MACROD2: variants seen among roughly 807,000 people sequenced by gnomAD.
The protein encoded by MACROD2 is ADP-ribose glycohydrolase MACROD2.
A neutral mutation model predicts 70.4 loss-of-function variants in MACROD2; 36 were observed. The ratio of observed to expected loss-of-function variants is 0.51; its 90% confidence interval spans 0.39 to 0.68. The LOEUF is 0.68. Ranked by LOEUF, MACROD2 falls within the 30% of genes least tolerant of loss-of-function variation. The pLI is 0.00. For missense variants in MACROD2, 496 were observed against 538.4 expected, an observed-to-expected ratio of 0.92 and a Z score of 0.78; for synonymous variants, 172 against 178.8, an observed-to-expected ratio of 0.96 and a Z score of 0.30.
At chr20:14,095,559 C>G (rs2054212412) in intron 3 of MACROD2, among the ~76,000 whole-genome samples, 2 of 152,112 alleles carry the variant, frequency 1.3e-5, no homozygotes, top group African/African-American at 4.8e-5. Context: ...GCTTGTGTTC[C>G]TAGCATCTTT....
At chr20:15,363,442 G>A (rs796575367) in intron 6 of MACROD2, among the ~76,000 whole-genome samples, 4 of 152,182 alleles carry the variant, frequency 2.6e-5, no homozygotes, top group African/African-American at 9.7e-5. Flanking sequence ...AGGCACCATG[G>A]CAATATATTG....
At chr20:14,067,720 A>G (rs2053783697) in intron 2 of MACROD2, among the ~76,000 whole-genome samples, 1 of 152,172 alleles carries the variant, frequency 6.6e-6, no homozygotes. Context: ...AGCTTCACAC[A>G]TAGTCTCATT....
intron 5 of MACROD2, among the ~76,000 whole-genome samples, chr20:15,073,069 G>C (rs950681788): frequency 6.6e-6 from 1 of 152,082 alleles, no homozygotes; most frequent in Non-Finnish European, 1.5e-5. Context: ...TCTACCAGAA[G>C]CTAGCACCTT....
intron 7 of MACROD2, among the ~76,000 whole-genome samples, chr20:15,462,373 G>A (rs2046831132): frequency 1.3e-5 from 2 of 152,138 alleles, no homozygotes. Flanking sequence ...ACCAGAAACT[G>A]ATTTAGCCTG....
intron 8 of MACROD2, among the ~76,000 whole-genome samples, chr20:15,790,001 G>T (rs920897312): frequency 1.1e-4 from 17 of 151,914 alleles, no homozygotes; most frequent in African/African-American, 4.1e-4. Context: ...TTCAAAGGGA[G>T]AATTCTTCTG....
At chr20:16,048,084 C>CAT (rs139302005) in intron 17 of MACROD2, among the ~76,000 whole-genome samples, 43 of 152,310 alleles carry the variant, frequency 2.8e-4, no homozygotes, top group Admixed American at 1.2e-3. Context: ...TAATTGATTA[C>CAT]AGACCAGTGT....
intron 8 of MACROD2, among the ~76,000 whole-genome samples, chr20:15,655,127 G>C (rs1397152690): frequency 1.3e-5 from 2 of 151,824 alleles, no homozygotes; most frequent in African/African-American, 4.8e-5. Flanking sequence ...GTATGTGTGT[G>C]CGTGTGTGTG....
At chr20:15,931,095 A>G (rs2065569573) in intron 10 of MACROD2, among the ~76,000 whole-genome samples, 1 of 151,986 alleles carries the variant, frequency 6.6e-6, no homozygotes, top group East Asian at 1.9e-4. Context: ...TTCCTGCTTG[A>G]CTCAGAGTCC....
chr20:15,519,627 A>G (rs2047623585), intron 8 of MACROD2, among the ~76,000 whole-genome samples: 1 of 152,258 alleles, frequency 6.6e-6, no homozygotes, highest in African/African-American at 2.4e-5. Flanking sequence ...AATAAGCCGT[A>G]TATTTAAATT....
intron 4 of MACROD2, among the ~76,000 whole-genome samples, chr20:14,605,400 G>GT (rs56116718): frequency 1 from 152,276 of 152,276 alleles, 76,138 homozygotes; most frequent in Non-Finnish European, 1. Context: ...GTGTCCAAAT[G>GT]CCCCTTTTTA....
At chr20:14,536,310 T>C (rs981486044) in intron 4 of MACROD2, among the ~76,000 whole-genome samples, 2 of 152,168 alleles carry the variant, frequency 1.3e-5, no homozygotes, top group African/African-American at 4.8e-5. Flanking sequence ...AACTTTTATG[T>C]CTCAAGTGGA....
chr20:14,734,191 A>G (rs2071630307), intron 5 of MACROD2, among the ~76,000 whole-genome samples: 1 of 152,042 alleles, frequency 6.6e-6, no homozygotes, highest in Admixed American at 6.6e-5. Flanking sequence ...TCCAAGAAAT[A>G]TTTTATATTA....
chr20:14,550,578 C>G (rs1177903897), intron 4 of MACROD2, among the ~76,000 whole-genome samples: 1 of 152,164 alleles, frequency 6.6e-6, no homozygotes, highest in Non-Finnish European at 1.5e-5. Context: ...TTAGACGTTC[C>G]TACCACCAGA....
chr20:15,801,092 T>G (rs1600912208), intron 8 of MACROD2, among the ~76,000 whole-genome samples: 1 of 149,774 alleles, frequency 6.7e-6, no homozygotes, highest in South Asian at 2.1e-4. Context: ...ACCAGAGACC[T>G]TTGTTCACTT....
intron 5 of MACROD2, among the ~76,000 whole-genome samples, chr20:15,014,987 T>G (rs1352656497): frequency 6.6e-6 from 1 of 152,140 alleles, no homozygotes; most frequent in East Asian, 1.9e-4. Flanking sequence ...CAGCACCTAT[T>G]CGTTTTTAAG....
chr20:15,538,918 A>G (rs2047915378), intron 8 of MACROD2, among the ~76,000 whole-genome samples: 1 of 152,102 alleles, frequency 6.6e-6, no homozygotes, highest in Non-Finnish European at 1.5e-5. Context: ...TTATAATTAT[A>G]TGAAATATAT....
intron 6 of MACROD2, among the ~76,000 whole-genome samples, chr20:15,423,796 C>T (rs974759550): frequency 9.9e-5 from 15 of 152,108 alleles, no homozygotes; most frequent in African/African-American, 3.4e-4. Flanking sequence ...CACAACATTG[C>T]ATTTATACTA....
chr20:15,851,559 G>A (rs918671198), intron 8 of MACROD2, among the ~76,000 whole-genome samples: 3 of 152,056 alleles, frequency 2.0e-5, no homozygotes, highest in Non-Finnish European at 1.5e-5. Flanking sequence ...GCCTATCCCC[G>A]TGACCTCATT....
At chr20:15,326,830 A>G (rs1340975102) in intron 6 of MACROD2, among the ~76,000 whole-genome samples, 1 of 152,156 alleles carries the variant, frequency 6.6e-6, no homozygotes, top group East Asian at 1.9e-4. Context: ...CAAGGCAGGA[A>G]CTATTCCACA....
Sources: gnomAD v4.1 joint callset for allele counts (sites outside exome capture counted in the v4.1 genomes callset) on GRCh38, gnomAD v4.1.1 for gene constraint, MANE v1.5 for transcripts, NCBI Gene and HGNC (gene_info 2026-07-23, HGNC 2026-07-21) for gene names.